CSMD1: variants seen among roughly 807,000 people sequenced by gnomAD.
CSMD1 encodes CUB and Sushi multiple domains 1.
Under a neutral mutation model 417.5 loss-of-function variants are expected in CSMD1, and 213 were observed. That is an observed-to-expected ratio of 0.51 (90% CI 0.46 to 0.57). The LOEUF (loss-of-function observed/expected upper bound fraction) is 0.57. Among genes scored for constraint, CSMD1 ranks in the 20% least tolerant of loss-of-function variants. The pLI is 0.00. For synonymous variants in CSMD1, 2,862 were observed against 1,736.8 expected (o/e 1.65, Z -16.11); for missense variants, 6,923 against 4,529.7 (o/e 1.53, Z -15.17).
At chr8:4,745,969 G>A (rs2117026410) in intron 1 of CSMD1, among the ~76,000 whole-genome samples, 1 of 152,326 alleles carries the variant, frequency 6.6e-6, no homozygotes, top group Non-Finnish European at 1.5e-5. Flanking sequence ...ACGCTTTGAA[G>A]TACAGGCTAA....
chr8:3,179,143 C>T (rs1821137970), intron 37 of CSMD1, among the ~76,000 whole-genome samples: 1 of 151,046 alleles, frequency 6.6e-6, no homozygotes, highest in African/African-American at 2.4e-5. Context: ...TACGGGGTTT[C>T]AACGTGTTAG....
At chr8:4,160,403 G>A (rs545910991) in intron 3 of CSMD1, among the ~76,000 whole-genome samples, 18 of 152,218 alleles carry the variant, frequency 1.2e-4, no homozygotes, top group African/African-American at 1.9e-4. Context: ...ATATATATAC[G>A]CAACTTTAAA....
chr8:3,067,102 A>T lies in CSMD1; in HGVS notation c.7475-14455T>A, dbSNP rs568064745. Among the ~76,000 whole-genome samples, 16 of 152,238 alleles carry T rather than the reference A, an allele frequency of 1.1e-4. 1 individual carries two copies. Among genetic ancestry groups the T allele is most frequent in the African/African-American group, 3.4e-4 (14 of 41,544 alleles). On this transcript the variant is annotated intron_variant, in intron 49 of 69. Transcript: ENST00000635120. Reference sequence around the variant, plus strand: ...GGGGCCTGGCACAGAACAAGAGGTCAATACAATCAGTCTACGGAATGAATG... The same window carrying T: ...GGGGCCTGGCACAGAACAAGAGGTCTATACAATCAGTCTACGGAATGAATG...
At chr8:4,157,994 C>T (rs1351128249) in intron 3 of CSMD1, among the ~76,000 whole-genome samples, 1 of 152,148 alleles carries the variant, frequency 6.6e-6, no homozygotes, top group Non-Finnish European at 1.5e-5. Flanking sequence ...TGCTAGGACC[C>T]TTTCCTGCTC....
At chr8:4,041,071 C>G (rs113112725) in intron 3 of CSMD1, among the ~76,000 whole-genome samples, 1 of 131,280 alleles carries the variant, frequency 7.6e-6, no homozygotes, top group South Asian at 2.4e-4. Flanking sequence ...GGCTGGAGTG[C>G]AGTGGCGCGA....
At chr8:3,566,097 G>C (rs566386869) in intron 10 of CSMD1, among the ~76,000 whole-genome samples, 3 of 152,006 alleles carry the variant, frequency 2.0e-5, no homozygotes, top group Non-Finnish European at 4.4e-5. Flanking sequence ...TAAACAGAAA[G>C]GGAAGGAGGC....
At chr8:3,386,929 A>T (rs1811039581) in intron 18 of CSMD1, among the ~76,000 whole-genome samples, 4 of 152,194 alleles carry the variant, frequency 2.6e-5, no homozygotes, top group Non-Finnish European at 5.9e-5. Context: ...ACAATAACAC[A>T]AAATAATCAG....
chr8:3,016,032 C>A (rs966332395), intron 52 of CSMD1, among the ~76,000 whole-genome samples: 1 of 152,146 alleles, frequency 6.6e-6, no homozygotes, highest in Non-Finnish European at 1.5e-5. Flanking sequence ...TGATAGTATT[C>A]TTGGTTTTAT....
intron 4 of CSMD1, among the ~76,000 whole-genome samples, chr8:4,027,433 G>C (rs1372469064): frequency 6.6e-6 from 1 of 152,040 alleles, no homozygotes; most frequent in Non-Finnish European, 1.5e-5. Context: ...TTAGATCATG[G>C]GGGTGGGTCC....
chr8:3,412,187 C>G (rs1421161593), intron 12 of CSMD1, among the ~76,000 whole-genome samples: 1 of 141,488 alleles, frequency 7.1e-6, no homozygotes, highest in South Asian at 2.2e-4. Context: ...TATATACACA[C>G]ATATACATAC....
chr8:4,072,079 G>A (rs139012237), intron 3 of CSMD1, among the ~76,000 whole-genome samples: 67 of 152,338 alleles, frequency 4.4e-4, no homozygotes, highest in Non-Finnish European at 6.6e-4. Flanking sequence ...GCACTGACAT[G>A]CTTGACCTGA....
At chr8:4,302,337 A>G (rs1394351220) in intron 3 of CSMD1, among the ~76,000 whole-genome samples, 2 of 152,230 alleles carry the variant, frequency 1.3e-5, no homozygotes, top group East Asian at 1.9e-4. Context: ...AATAATAACA[A>G]TAATAGTGAT....
intron 6 of CSMD1, among the ~76,000 whole-genome samples, chr8:3,750,207 C>G (rs1014857266): frequency 6.6e-6 from 1 of 151,956 alleles, no homozygotes; most frequent in African/African-American, 2.4e-5. Context: ...TTTTTGTTCT[C>G]TTACAAATGA....
rs752907180 is a variant in CSMD1 at position 3,468,709 on chromosome 8, T to A, written c.1561+3A>T. 9.5e-6 allele frequency: 15 copies of A among 1,580,138 alleles called. No individual in the cohort carries two copies. The highest frequency in any genetic ancestry group is 1.7e-4 in the Middle Eastern group (1 of 6,030). ...AACCCTGTGAAGTGTAATCTCATCA[T>A]ACCTTGGTAAACAGCTTTAAACCCA... On this transcript the variant is annotated splice_donor_region_variant and intron_variant, in intron 12 of 69. Coordinates refer to ENST00000635120, the MANE Select transcript of CSMD1 (RefSeq NM_033225.6).
intron 3 of CSMD1, among the ~76,000 whole-genome samples, chr8:4,312,320 T>C (rs953911231): frequency 6.6e-6 from 1 of 151,016 alleles, no homozygotes; most frequent in African/African-American, 2.4e-5. Flanking sequence ...TGATCATACC[T>C]ACTTTTTTAA....
chr8:4,940,312 T>G (rs1807910609), intron 1 of CSMD1, among the ~76,000 whole-genome samples: 1 of 152,256 alleles, frequency 6.6e-6, no homozygotes, highest in African/African-American at 2.4e-5. Context: ...GGCTTCAATC[T>G]GAATTATTTT....
chr8:4,251,629 T>G (rs1803081028), intron 3 of CSMD1, among the ~76,000 whole-genome samples: 1 of 152,208 alleles, frequency 6.6e-6, no homozygotes, highest in Non-Finnish European at 1.5e-5. Context: ...TATTACACAC[T>G]GGCAGCTGAA....
At chr8:3,502,711 G>T (rs1796657882) in intron 10 of CSMD1, among the ~76,000 whole-genome samples, 2 of 152,202 alleles carry the variant, frequency 1.3e-5, no homozygotes, top group South Asian at 4.1e-4. Flanking sequence ...GTTAGAAGAG[G>T]GAGGGATGAA....
At chr8:4,729,883 G>A (rs1809731019) in intron 1 of CSMD1, among the ~76,000 whole-genome samples, 1 of 152,140 alleles carries the variant, frequency 6.6e-6, no homozygotes, top group Admixed American at 6.6e-5. Context: ...AAGGTGATAG[G>A]AACCTCATCT....
Sources: allele counts gnomAD v4.1 joint callset (sites outside exome capture counted in the v4.1 genomes callset), GRCh38; gene constraint gnomAD v4.1.1; transcripts MANE v1.5; gene names NCBI Gene and HGNC (gene_info 2026-07-23, HGNC 2026-07-21).